The following LPP variants were observed in gnomAD, a reference collection of about 807,000 sequenced individuals.
The protein encoded by LPP is LIM domain containing preferred translocation partner in lipoma.
In LPP, 38 loss-of-function variants were observed where a neutral mutation model predicts 60.4. That is an observed-to-expected ratio of 0.63 (90% confidence interval 0.49 to 0.83). The LOEUF is 0.83. Ranked by LOEUF, LPP falls within the 40% of genes least tolerant of loss-of-function variation. The pLI is 0.00. For synonymous variants in LPP, 328 were observed against 290.8 expected, an observed-to-expected ratio of 1.13 and a Z score of -1.30; for missense variants, 902 against 783.6, an observed-to-expected ratio of 1.15 and a Z score of -1.80.
At chr3:188,448,645 CTG>C (rs1340088647) in intron 4 of LPP, among the ~76,000 whole-genome samples, 1 of 152,108 alleles carries the variant, frequency 6.6e-6, no homozygotes, top group Admixed American at 6.5e-5. Context: ...GGGTAGGAGA[CTG>C]TGGACTAATC....
In LPP at chr3:188,609,402, A is replaced by G. The variant is rs777556416; in HGVS notation, c.671A>G (p.Gln224Arg). The G allele has an allele frequency of 1.7e-5, 27 of 1,614,050 alleles. 1 individual carries two copies. The South Asian group carries it at 2.9e-4, about 17-fold the overall frequency. ...STSSRPTFNVQVKSAQPSPHY... is the reference protein window; with the variant it reads ...STSSRPTFNVRVKSAQPSPHY... ...TCTTCAAGGCCTACCTTTAATGTGC[A>G]GGTGAAGTCAGCCCAGCCCAGCCCT... The change falls in exon 7 of 12, where the codon CAG (glutamine) becomes CGG (arginine). Residue 224 changes from glutamine (Q) to arginine (R), a missense_variant. Physicochemically the swap from Gln to Arg is conservative, Grantham distance 43 (BLOSUM62 1). Coordinates refer to ENST00000617246, the MANE Select transcript of LPP (RefSeq NM_001375462.1). This position sits in a 1 kb window ranked among gnomAD's most constrained non-coding sequence, Gnocchi z 6.9.
intron 3 of LPP, among the ~76,000 whole-genome samples, chr3:188,367,565 T>C (rs553803063): frequency 6.1e-4 from 93 of 152,342 alleles, no homozygotes; most frequent in African/African-American, 2.2e-3. Context: ...AAGTTCCTAA[T>C]TGGATTGTAG....
At position 188,368,344 on chromosome 3, in the gene LPP, C is replaced by CT. The variant is rs760220121; in HGVS notation, c.-10+26631dup. ...CAGGGCTTGTGGAAGAAACAACACC[C>CT]TTTTTTAACTTTTCAGAAACAGTTG... On this transcript the variant is annotated intron_variant, in intron 3 of 11. Coordinates refer to ENST00000617246, the MANE Select transcript of LPP (RefSeq NM_001375462.1). Among the ~76,000 whole-genome samples the CT allele has an allele frequency of 6.0e-5, 9 of 150,746 alleles. No individual in the cohort carries two copies. In the South Asian group the frequency reaches 8.5e-4, roughly 14 times the overall value.
intron 2 of LPP, among the ~76,000 whole-genome samples, chr3:188,323,320 T>C (rs1757471629): frequency 6.6e-6 from 1 of 152,218 alleles, no homozygotes; most frequent in South Asian, 2.1e-4. Flanking sequence ...GAAGGTCTTG[T>C]GGCTCATTTT....
intron 3 of LPP, among the ~76,000 whole-genome samples, chr3:188,399,255 A>G (rs1437991510): frequency 6.6e-6 from 1 of 152,184 alleles, no homozygotes; most frequent in Non-Finnish European, 1.5e-5. Context: ...AATAATGGAG[A>G]GCCGTATAGC....
rs1249899243 is a variant in LPP at position 188,354,184 on chromosome 3, G to A, written c.-10+12465G>A. On this transcript the variant is annotated intron_variant, in intron 3 of 11. Coordinates refer to ENST00000617246, the MANE Select transcript of LPP (RefSeq NM_001375462.1). ...AGAAAAACACACACACACAAATGTC[G>A]AGCAGTCTTCTTTTTTTAATGTATA... Among the ~76,000 whole-genome samples the A allele has an allele frequency of 1.1e-4, 16 of 151,886 alleles. No homozygotes were observed. In the South Asian group the frequency reaches 1.7e-3, roughly 16 times the overall value.
chr3:188,788,311 A>G (rs1472691833), intron 9 of LPP, among the ~76,000 whole-genome samples: 1 of 152,094 alleles, frequency 6.6e-6, no homozygotes, highest in Admixed American at 6.6e-5. Flanking sequence ...CACACCCAAA[A>G]CAGAGAGATT....
At position 188,878,759 on chromosome 3, in the gene LPP, T is replaced by TAAAAAAAAAAAAAA. The variant is rs11448997; in HGVS notation, c.*4283_*4296dup. 31 of 153,736 alleles carry TAAAAAAAAAAAAAA rather than the reference T, an allele frequency of 2.0e-4. No homozygotes were observed. Among genetic ancestry groups the TAAAAAAAAAAAAAA allele is most frequent in the African/African-American group, 2.6e-4 (9 of 34,834 alleles). The allele number at this position is 153,736 out of a possible 1,614,324, so 9.5% of individuals were successfully genotyped here. ...ATATACTCACCAAAAAGTAAAAAAG[T>TAAAAAAAAAAAAAA]AAAAAAAAAAAAAAAAGAAAGAAAG... is the stretch of plus-strand genomic sequence containing the variant. On this transcript the variant is annotated 3_prime_UTR_variant, in exon 12 of 12. Transcript: ENST00000617246.
intron 9 of LPP, among the ~76,000 whole-genome samples, chr3:188,819,709 G>C (rs1313609550): frequency 6.6e-6 from 1 of 152,088 alleles, no homozygotes; most frequent in African/African-American, 2.4e-5. Flanking sequence ...ATTGGAGGTG[G>C]AAAAAATGAA....
intron 3 of LPP, among the ~76,000 whole-genome samples, chr3:188,367,959 A>G (rs766924789): frequency 2.6e-5 from 4 of 152,228 alleles, no homozygotes; most frequent in Non-Finnish European, 4.4e-5. Context: ...CACATCTGTC[A>G]TCTTATAATA....
intron 1 of LPP, among the ~76,000 whole-genome samples, chr3:188,184,043 C>T (rs986333979): frequency 3.3e-5 from 5 of 152,128 alleles, no homozygotes; most frequent in East Asian, 1.9e-4. Context: ...GCAGGGACCA[C>T]GGTACCTCCT....
Position 188,875,750 on chromosome 3 carries a change from T to C in LPP, c.*1271T>C. 5.0e-6 allele frequency: 1 copy of C among 200,356 alleles called. No individual in the cohort carries two copies. The highest frequency in any genetic ancestry group is 1.0e-5 in the Non-Finnish European group (1 of 96,820). The allele number at this position is 200,356 out of a possible 1,614,324, so 12.4% of individuals were successfully genotyped here. On this transcript the variant is annotated 3_prime_UTR_variant, in exon 12 of 12. Coordinates refer to ENST00000617246, the MANE Select transcript of LPP (RefSeq NM_001375462.1). ...ATGAGCTAAAAATATGCAGAATCTC[T>C]GCCTAGAATCTTTATTCAAACTTTT...
chr3:188,828,583 C>G lies in LPP; in HGVS notation c.1411-37617C>G, dbSNP rs527942063. Among the ~76,000 whole-genome samples the G allele has an allele frequency of 3.9e-5, 5 of 128,948 alleles. No homozygotes were observed. In the South Asian group the frequency reaches 1.3e-3, roughly 33 times the overall value. 84.6% of individuals were successfully genotyped at this position (128,948 alleles called of 152,430 possible). On this transcript the variant is annotated intron_variant, in intron 9 of 11. Coordinates refer to ENST00000617246, the MANE Select transcript of LPP (RefSeq NM_001375462.1). Reference sequence around the variant, plus strand: ...AGAGCAGAGATCACGCCATTGCACTCTAGCCTGGCAACAAGAGCGAAACTC... The same window carrying G: ...AGAGCAGAGATCACGCCATTGCACTGTAGCCTGGCAACAAGAGCGAAACTC...
intron 7 of LPP, among the ~76,000 whole-genome samples, chr3:188,616,444 T>C (rs962950182): frequency 6.6e-6 from 1 of 152,204 alleles, no homozygotes; most frequent in African/African-American, 2.4e-5. Context: ...CATTGGTCTA[T>C]ATGTCTGTTT....
intron 4 of LPP, among the ~76,000 whole-genome samples, chr3:188,422,476 A>C (rs1380841018): frequency 8.6e-5 from 13 of 152,004 alleles, no homozygotes; most frequent in Admixed American, 1.3e-4. Context: ...TGATATAATA[A>C]TTTTTCTAGG....
rs184977957 is a variant in LPP, at chr3:188,572,949, A to G, written c.430-36212A>G. Reference sequence around the variant, plus strand: ...CTTTGACCTGGATGTAATACATGTCACTTCTTATATAGCTCCTTAGCCAAA... The same window carrying G: ...CTTTGACCTGGATGTAATACATGTCGCTTCTTATATAGCTCCTTAGCCAAA... On this transcript the variant is annotated intron_variant, in intron 6 of 11. Coordinates refer to ENST00000617246, the MANE Select transcript of LPP (RefSeq NM_001375462.1). The surrounding 1 kb of genome is among the most constrained non-coding windows in gnomAD (Gnocchi z 4.1). 5.9e-5 allele frequency among the ~76,000 whole-genome samples: 9 copies of G among 152,254 alleles called. No homozygotes were observed. The highest frequency in any genetic ancestry group is 2.2e-4 in the African/African-American group (9 of 41,572).
chr3:188,239,491 A>C (rs1723089488), intron 2 of LPP, among the ~76,000 whole-genome samples: 1 of 152,288 alleles, frequency 6.6e-6, no homozygotes, highest in South Asian at 2.1e-4. Context: ...TTTTTACTTT[A>C]TATCACCTTT....
intron 3 of LPP, among the ~76,000 whole-genome samples, chr3:188,347,722 G>A (rs1023981910): frequency 6.6e-6 from 1 of 152,232 alleles, no homozygotes; most frequent in Non-Finnish European, 1.5e-5. Flanking sequence ...ACTGCCACAT[G>A]TGTGAAGCTA....
chr3:188,545,638 C>T (rs977819632), intron 6 of LPP, among the ~76,000 whole-genome samples: 4 of 152,054 alleles, frequency 2.6e-5, no homozygotes, highest in Non-Finnish European at 4.4e-5. Context: ...GTTAGAAGTG[C>T]GACTAGAGTT....
Sources: allele counts gnomAD v4.1 joint callset (sites outside exome capture counted in the v4.1 genomes callset), GRCh38; gene constraint gnomAD v4.1.1; non-coding constraint Gnocchi (gnomAD v3.1); transcripts MANE v1.5; gene names NCBI Gene and HGNC (gene_info 2026-07-23, HGNC 2026-07-21).